ADGRL3: variants seen among roughly 807,000 people sequenced by gnomAD.
The protein encoded by ADGRL3 is calcium-independent alpha-latrotoxin receptor 3.
Under a neutral mutation model 153.5 loss-of-function variants are expected in ADGRL3, and 62 were observed. That is an observed-to-expected ratio of 0.40 (90% confidence interval 0.33 to 0.50). ADGRL3 has a LOEUF of 0.50. ADGRL3 is among the 20% of genes least tolerant of loss of function. ADGRL3 has a pLI of 0.47. For missense variants in ADGRL3, 1,641 were observed against 1,859.4 expected, an observed-to-expected ratio of 0.88 and a Z score of 2.16; for synonymous variants, 710 against 672.5, an observed-to-expected ratio of 1.06 and a Z score of -0.86.
At chr4:61,436,042 T>A (rs974493857) in intron 2 of ADGRL3, among the ~76,000 whole-genome samples, 2 of 152,194 alleles carry the variant, frequency 1.3e-5, no homozygotes, top group African/African-American at 4.8e-5. Context: ...ACCTTTTGAA[T>A]GCAGATTTAA....
chr4:62,008,575 A>G (rs1271431904), intron 21 of ADGRL3, among the ~76,000 whole-genome samples: 1 of 152,020 alleles, frequency 6.6e-6, no homozygotes, highest in Non-Finnish European at 1.5e-5. Flanking sequence ...CTACCTAGAA[A>G]AGAATTATGT....
At chr4:61,500,509 C>T (rs528459448) in intron 3 of ADGRL3, among the ~76,000 whole-genome samples, 5 of 152,112 alleles carry the variant, frequency 3.3e-5, no homozygotes, top group Non-Finnish European at 5.9e-5. Context: ...GAGAATACTG[C>T]ATAACTTGAA....
intron 25 of ADGRL3, among the ~76,000 whole-genome samples, chr4:62,065,836 C>A (rs1330274374): frequency 6.6e-6 from 1 of 151,944 alleles, no homozygotes; most frequent in African/African-American, 2.4e-5. Flanking sequence ...TAAAAACTAT[C>A]AAACTGCAGT....
intron 8 of ADGRL3, among the ~76,000 whole-genome samples, chr4:61,762,971 C>T (rs985091545): frequency 6.6e-6 from 1 of 152,056 alleles, no homozygotes; most frequent in Non-Finnish European, 1.5e-5. Flanking sequence ...TGGTGCTACT[C>T]TTTTCCTTTT....
At chr4:62,026,768 G>C (rs538527180) in intron 21 of ADGRL3, among the ~76,000 whole-genome samples, 53 of 151,924 alleles carry the variant, frequency 3.5e-4, no homozygotes, top group African/African-American at 1.2e-3. Context: ...TATTGTGTAT[G>C]GGATTCACTC....
intron 6 of ADGRL3, among the ~76,000 whole-genome samples, chr4:61,689,315 T>G (rs903840761): frequency 6.6e-5 from 10 of 152,174 alleles, no homozygotes; most frequent in African/African-American, 2.2e-4. Context: ...CTTTGGGCCA[T>G]GTTCTTTTAT....
chr4:61,726,607 T>A (rs1223234659), intron 6 of ADGRL3, among the ~76,000 whole-genome samples: 4 of 152,156 alleles, frequency 2.6e-5, no homozygotes, highest in Non-Finnish European at 4.4e-5. Flanking sequence ...GTGATTTTTT[T>A]ATTACTTTCT....
chr4:61,385,752 T>C (rs2096728374), intron 2 of ADGRL3: 1 of 152,192 alleles, frequency 6.6e-6, no homozygotes, highest in African/African-American at 2.4e-5. Context: ...TTGATTTATT[T>C]CACCAACATT....
chr4:61,733,595 ACT>A, intron 8 of ADGRL3, 41 bp downstream of exon 8: 1 of 1,382,396 alleles, frequency 7.2e-7, no homozygotes, highest in South Asian at 1.3e-5. Flanking sequence ...GGAAATATTT[ACT>A]GTTTGTTCTC....
In ADGRL3 at chr4:61,432,626, CTTTCTTTCTTTCTTTCTTTCTTTCT is replaced by C. The variant is rs1310026358; in HGVS notation, c.-174+49440_-174+49464del. 4.3e-4 allele frequency among the ~76,000 whole-genome samples: 27 copies of C among 62,796 alleles called. 1 individual carries two copies. Among genetic ancestry groups the C allele is most frequent in the African/African-American group, 1.6e-3 (26 of 16,018 alleles). 41.2% of individuals were successfully genotyped at this position (62,796 alleles called of 152,430 possible). On this transcript the variant is annotated intron_variant, in intron 2 of 26. Coordinates refer to ENST00000683033, the MANE Select transcript of ADGRL3 (RefSeq NM_001387552.1). ...TCTTTCTTTCTTTCTTTCTTTCTTT[CTTTCTTTCTTTCTTTCTTTCTTTCT>C]TTCTTTTTTTTTTTTTTTTGAGACA...
chr4:61,557,454 T>C (rs1236271307), intron 4 of ADGRL3, among the ~76,000 whole-genome samples: 1 of 152,174 alleles, frequency 6.6e-6, no homozygotes, highest in Non-Finnish European at 1.5e-5. Context: ...AGACTCACTA[T>C]GTAGTTTTAG....
At chr4:61,665,951 T>G (rs2094778461) in intron 5 of ADGRL3, among the ~76,000 whole-genome samples, 1 of 152,200 alleles carries the variant, frequency 6.6e-6, no homozygotes, top group South Asian at 2.1e-4. Context: ...TCATGGATTT[T>G]TATGCTATGC....
intron 2 of ADGRL3, among the ~76,000 whole-genome samples, chr4:61,465,193 A>G (rs1040393756): frequency 3.3e-5 from 5 of 152,208 alleles, no homozygotes; most frequent in African/African-American, 1.2e-4. Context: ...AAATATCTTT[A>G]GGTACATTTA....
chr4:61,604,857 G>A (rs1180223480), intron 5 of ADGRL3, among the ~76,000 whole-genome samples: 3 of 151,974 alleles, frequency 2.0e-5, no homozygotes, highest in East Asian at 1.9e-4. Flanking sequence ...TTGGGAGGCC[G>A]AGGTAGATGG....
chr4:61,232,039 C>T (rs569563485), intron 1 of ADGRL3, among the ~76,000 whole-genome samples: 2 of 151,816 alleles, frequency 1.3e-5, no homozygotes, highest in African/African-American at 2.4e-5. Flanking sequence ...AAGTACTTAA[C>T]CTCCTCAAGC....
intron 1 of ADGRL3, among the ~76,000 whole-genome samples, chr4:61,347,686 G>A (rs891027004): frequency 6.6e-6 from 1 of 151,928 alleles, no homozygotes; most frequent in African/African-American, 2.4e-5. Context: ...GAAAAAAAAT[G>A]TTGAAGTCCT....
At chr4:61,751,056 C>T (rs2096751447) in intron 8 of ADGRL3, among the ~76,000 whole-genome samples, 1 of 152,110 alleles carries the variant, frequency 6.6e-6, no homozygotes. Context: ...GCATTAGATT[C>T]TCATAGGAGT....
At chr4:61,515,708 G>C (rs573257368) in intron 3 of ADGRL3, among the ~76,000 whole-genome samples, 1 of 152,204 alleles carries the variant, frequency 6.6e-6, no homozygotes, top group East Asian at 1.9e-4. Flanking sequence ...AATCTATTTT[G>C]ATAAGGTTTG....
In ADGRL3 at chr4:61,497,240, TTTCACATTTGAACAGTCA is replaced by T; in HGVS notation, c.-50_-33del. On this transcript the variant is annotated 5_prime_UTR_variant, in exon 3 of 27. Coordinates refer to ENST00000683033, the MANE Select transcript of ADGRL3 (RefSeq NM_001387552.1). ...AGAAACTAGAAATATACGTATTTTGTTTCACATTTGAACAGTCATTCTTGAGGAATACTCCATACCTGA... is the reference window on the plus strand; with the variant it reads ...AGAAACTAGAAATATACGTATTTTGTTTCTTGAGGAATACTCCATACCTGA... The T allele has an allele frequency of 9.5e-7, 1 of 1,053,112 alleles. No individual in the cohort carries two copies. The highest frequency in any genetic ancestry group is 2.0e-4 in the Middle Eastern group (1 of 4,956). 65.2% of individuals were successfully genotyped at this position (1,053,112 alleles called of 1,614,324 possible).
Sources: gnomAD v4.1 joint callset for allele counts (sites outside exome capture counted in the v4.1 genomes callset) on GRCh38, gnomAD v4.1.1 for gene constraint, MANE v1.5 for transcripts, NCBI Gene and HGNC (gene_info 2026-07-23, HGNC 2026-07-21) for gene names.